VPS35L: variants seen among roughly 807,000 people sequenced by gnomAD.
VPS35L encodes VPS35 endosomal protein-sorting factor-like.
In VPS35L, 83 loss-of-function variants were observed where a neutral mutation model predicts 133.0. The ratio of observed to expected loss-of-function variants is 0.62; its 90% confidence interval spans 0.52 to 0.75. VPS35L has a LOEUF of 0.75. Ranked by LOEUF, VPS35L falls within the 30% of genes least tolerant of loss-of-function variation. The pLI is 0.00. For synonymous variants in VPS35L, 423 were observed against 449.9 expected (o/e 0.94, Z 0.76); for missense variants, 1,083 against 1,206.8 (o/e 0.90, Z 1.52).
chr16:19,594,442 G>A (rs181275477), intron 8 of VPS35L, among the ~76,000 whole-genome samples: 302 of 152,012 alleles, frequency 2.0e-3, no homozygotes, highest in Non-Finnish European at 3.0e-3. Flanking sequence ...TCAGGAGTGC[G>A]AGACCAGACT....
At chr16:19,593,489 T>C (rs1201156305) in intron 8 of VPS35L, among the ~76,000 whole-genome samples, 2 of 152,200 alleles carry the variant, frequency 1.3e-5, no homozygotes, top group Non-Finnish European at 2.9e-5. Flanking sequence ...CTGAGTGCGC[T>C]AGCTAAAACA....
chr16:19,678,423 G>GAAA, intron 27 of VPS35L, among the ~76,000 whole-genome samples: 1 of 136,832 alleles, frequency 7.3e-6, no homozygotes, highest in South Asian at 2.3e-4. Flanking sequence ...TTTGTCTTAA[G>GAAA]AAAAAAAAAA....
At chr16:19,608,803 T>C (rs1972617483) in intron 10 of VPS35L, 171 bp from the exon 11 acceptor site, 1 of 561,544 alleles carries the variant, frequency 1.8e-6, no homozygotes, top group Admixed American at 3.1e-5. Flanking sequence ...TATGAAACTT[T>C]GAAAACCATA....
At chr16:19,623,420 G>A (rs1198043417) in intron 14 of VPS35L, among the ~76,000 whole-genome samples, 1 of 152,076 alleles carries the variant, frequency 6.6e-6, no homozygotes, top group Non-Finnish European at 1.5e-5. Context: ...TAGTCCTGTG[G>A]GATTCGGATC....
chr16:19,664,575 C>T (rs1220421933), intron 26 of VPS35L, among the ~76,000 whole-genome samples: 1 of 145,390 alleles, frequency 6.9e-6, no homozygotes, highest in Non-Finnish European at 1.5e-5. Context: ...GAAATATAAG[C>T]AGAAAAAAAA....
At position 19,697,393 on chromosome 16, in the gene VPS35L, G is replaced by A. The variant is rs567554036; in HGVS notation, c.2647-2109G>A. 1.2e-4 allele frequency among the ~76,000 whole-genome samples: 18 copies of A among 152,202 alleles called. 1 individual carries two copies. The South Asian group carries it at 2.9e-3, about 25-fold the overall frequency. On this transcript the variant is annotated intron_variant, in intron 29 of 30. Coordinates refer to ENST00000417362, the MANE Select transcript of VPS35L (RefSeq NM_020314.7). ...TGCTCTGATGCCCAGGCTTGAGTGC[G>A]GTGAGATCATAGCTCACTGCAGCCT...
chr16:19,575,400 T>C (rs540698482), intron 5 of VPS35L, among the ~76,000 whole-genome samples: 177 of 152,026 alleles, frequency 1.2e-3, no homozygotes, highest in African/African-American at 4.2e-3. Context: ...ATCTCGTCTC[T>C]ATTAAAAATA....
intron 14 of VPS35L, among the ~76,000 whole-genome samples, chr16:19,619,634 T>C (rs181268362): frequency 9.8e-5 from 15 of 152,300 alleles, no homozygotes; most frequent in Admixed American, 9.2e-4. Context: ...CTTCTTTTTA[T>C]TTTAAGCCCC....
chr16:19,571,560 T>C (rs1971385762), intron 3 of VPS35L, among the ~76,000 whole-genome samples: 2 of 151,070 alleles, frequency 1.3e-5, no homozygotes, highest in South Asian at 4.1e-4. Context: ...ATTTTATTTT[T>C]TTGAGACGGA....
In VPS35L at chr16:19,682,258, C is replaced by A; in HGVS notation, c.2395C>A (p.Arg799=). ...TGAACATGGGGTCCTGTTTCTTGTTCGAGAGCTTCTCAACGTGATCCAGGA... is the reference window on the plus strand; with the variant it reads ...TGAACATGGGGTCCTGTTTCTTGTTAGAGAGCTTCTCAACGTGATCCAGGA... ...HPEHGVLFLV[R]ELLNVIQDYT... Residue 799 remains arginine, a synonymous_variant, in exon 28 of 31, where the codon CGA becomes AGA. Transcript: ENST00000417362. The A allele has an allele frequency of 6.2e-7, 1 of 1,613,990 alleles. No individual in the cohort carries two copies. Among genetic ancestry groups the A allele is most frequent in the Non-Finnish European group, 8.5e-7 (1 of 1,179,998 alleles).
intron 26 of VPS35L, among the ~76,000 whole-genome samples, chr16:19,668,451 C>T (rs1219475938): frequency 6.6e-6 from 1 of 152,170 alleles, no homozygotes; most frequent in Non-Finnish European, 1.5e-5. Flanking sequence ...TGTGCACACA[C>T]ATTCTCTCTC....
intron 1 of VPS35L, among the ~76,000 whole-genome samples, chr16:19,564,472 C>T (rs1567382724): frequency 6.6e-6 from 1 of 151,940 alleles, no homozygotes. Context: ...GATCTCAGTT[C>T]ACCGTGACCT....
intron 28 of VPS35L, among the ~76,000 whole-genome samples, chr16:19,688,696 A>G (rs1034406523): frequency 6.6e-6 from 1 of 152,176 alleles, no homozygotes; most frequent in Non-Finnish European, 1.5e-5. Flanking sequence ...CCCCAGACAG[A>G]GTGCTGCTTG....
At chr16:19,687,529 C>T (rs1473080236) in intron 28 of VPS35L, among the ~76,000 whole-genome samples, 1 of 152,162 alleles carries the variant, frequency 6.6e-6, no homozygotes, top group Admixed American at 6.5e-5. Context: ...TAACTACCAA[C>T]CTGGTGTCAG....
At chr16:19,600,633 T>C (rs573366578) in intron 8 of VPS35L, among the ~76,000 whole-genome samples, 22 of 152,296 alleles carry the variant, frequency 1.4e-4, no homozygotes, top group Admixed American at 9.8e-4. Context: ...AATATGTCAG[T>C]GAACAAAACA....
At position 19,602,322 on chromosome 16, in the gene VPS35L, G is replaced by A. The variant is rs550312630; in HGVS notation, c.784+599G>A. Among the ~76,000 whole-genome samples the A allele has an allele frequency of 2.0e-4, 30 of 152,056 alleles. No homozygotes were observed. In the East Asian group the frequency reaches 4.9e-3, roughly 25 times the overall value. ...GCCTTTATTCCTCTTTTTAACTTCCGAGCACTGCTATGAGGAAACGTTCTC... is the reference window on the plus strand; with the variant it reads ...GCCTTTATTCCTCTTTTTAACTTCCAAGCACTGCTATGAGGAAACGTTCTC... On this transcript the variant is annotated intron_variant, in intron 9 of 30. Transcript: ENST00000417362.
intron 28 of VPS35L, 125 bp downstream of exon 28, chr16:19,682,515 G>C: frequency 9.4e-7 from 1 of 1,069,148 alleles, no homozygotes; most frequent in Non-Finnish European, 1.3e-6. Context: ...TTCTAGTCCA[G>C]GGTCTCACTG....
chr16:19,620,044 TATCTC>T (rs1973028070), intron 14 of VPS35L, among the ~76,000 whole-genome samples: 1 of 152,184 alleles, frequency 6.6e-6, no homozygotes, highest in Non-Finnish European at 1.5e-5. Context: ...TAGTTGTGAA[TATCTC>T]ATCTACAGAA....
intron 7 of VPS35L, among the ~76,000 whole-genome samples, chr16:19,588,720 A>C (rs910409404): frequency 6.6e-6 from 1 of 151,578 alleles, no homozygotes; most frequent in Non-Finnish European, 1.5e-5. Flanking sequence ...TTCTTTTTTC[A>C]CTACATGGAC....
Sources: gnomAD v4.1 joint callset for allele counts (sites outside exome capture counted in the v4.1 genomes callset) on GRCh38, gnomAD v4.1.1 for gene constraint, MANE v1.5 for transcripts, NCBI Gene and HGNC (gene_info 2026-07-23, HGNC 2026-07-21) for gene names.